SERPINE2: variants seen among roughly 807,000 people sequenced by gnomAD.
The protein encoded by SERPINE2 is glia-derived nexin.
SERPINE2 carries 14 observed loss-of-function variants against 36.3 expected under a neutral mutation model. That is an observed-to-expected ratio of 0.39 (90% confidence interval 0.25 to 0.60). The LOEUF is 0.60. Ranked by LOEUF, SERPINE2 falls within the 20% of genes least tolerant of loss-of-function variation. The pLI is 0.57. For synonymous variants in SERPINE2, 192 were observed against 191.8 expected, an observed-to-expected ratio of 1.00 and a Z score of -0.01; for missense variants, 418 against 499.6, an observed-to-expected ratio of 0.84 and a Z score of 1.56.
chr2:224,001,440 G>A, intron 2 of SERPINE2: 1 of 548,566 alleles, frequency 1.8e-6, no homozygotes, highest in Non-Finnish European at 3.1e-6. Flanking sequence ...ACAAAAAAGG[G>A]ACCAGAGTCT....
intron 8 of SERPINE2, among the ~76,000 whole-genome samples, chr2:223,976,291 C>T (rs1690005068): frequency 6.6e-6 from 1 of 152,198 alleles, no homozygotes; most frequent in East Asian, 1.9e-4. Context: ...GCTGGGATTA[C>T]AGGCACCCAC....
chr2:223,976,053 T>C (rs1451923856), intron 8 of SERPINE2, 149 bp from the exon 9 acceptor site: 4 of 592,958 alleles, frequency 6.7e-6, no homozygotes, highest in Non-Finnish European at 1.1e-5. Context: ...GTGGTAGAGA[T>C]GGTCTATATC....
intron 1 of SERPINE2, among the ~76,000 whole-genome samples, chr2:224,033,695 T>C (rs1355904848): frequency 2.7e-5 from 4 of 145,988 alleles, no homozygotes; most frequent in African/African-American, 1.0e-4. Context: ...AGAGGTCATA[T>C]ATCACCATCA....
Position 224,001,876 on chromosome 2 carries a change from G to A in SERPINE2, c.25C>T (p.Leu9Phe). 1 of 1,613,694 alleles carries A rather than the reference G, an allele frequency of 6.2e-7. No homozygotes were observed. The highest frequency in any genetic ancestry group is 8.5e-7 in the Non-Finnish European group (1 of 1,179,600). The change falls in exon 2 of 9, where the codon CTC becomes TTC. Residue 9 changes from leucine (L) to phenylalanine (F), a missense_variant. Physicochemically the swap from Leu to Phe is conservative, Grantham distance 22 (BLOSUM62 0). Transcript: ENST00000409304. ...GAAGGCAGCGTCACAGAGGCCAAGA[G>A]GAAGAGGGGGAGATGCCAGTTCATG... MNWHLPLF[L>F]LASVTLPSIC...
At chr2:224,028,227 C>G (rs1005955915) in intron 1 of SERPINE2, among the ~76,000 whole-genome samples, 2 of 152,202 alleles carry the variant, frequency 1.3e-5, no homozygotes, top group African/African-American at 4.8e-5. Flanking sequence ...CTTTGCCAAG[C>G]AACTTGAGTC....
At chr2:224,026,802 T>G (rs748773735) in intron 1 of SERPINE2, among the ~76,000 whole-genome samples, 3 of 152,202 alleles carry the variant, frequency 2.0e-5, no homozygotes, top group Non-Finnish European at 2.9e-5. Context: ...CTTGCTGTCA[T>G]AGATATTTAA....
At chr2:223,984,324 GAACTTCTAGTTAAATAAATAAAT>G (rs1444018369) in intron 5 of SERPINE2, among the ~76,000 whole-genome samples, 1 of 152,158 alleles carries the variant, frequency 6.6e-6, no homozygotes, top group African/African-American at 2.4e-5. Flanking sequence ...TGGTCTTCAT[GAACTTCTAGTTAAATAAATAAAT>G]AACTAAAATG....
intron 3 of SERPINE2, among the ~76,000 whole-genome samples, chr2:223,992,549 A>C (rs10191694): frequency 0.62 from 94,275 of 151,926 alleles, 29,703 homozygotes; most frequent in Admixed American, 0.71. Flanking sequence ...TTATTTTGGA[A>C]TCTCTGGGTA....
chr2:224,001,530 C>A, intron 2 of SERPINE2, 112 bp downstream of exon 2: 3 of 1,275,108 alleles, frequency 2.4e-6, no homozygotes, highest in Non-Finnish European at 3.2e-6. Flanking sequence ...CCAGCAAATC[C>A]CCTTCTGGCT....
At chr2:224,031,546 G>T (rs143433788) in intron 1 of SERPINE2, 834 of 979,692 alleles carry the variant, frequency 8.5e-4, no homozygotes, top group South Asian at 3.8e-3. Flanking sequence ...TTGGTACACG[G>T]AAGGGCATGT....
At chr2:224,003,285 G>A (rs1691260611) in intron 1 of SERPINE2, among the ~76,000 whole-genome samples, 1 of 152,134 alleles carries the variant, frequency 6.6e-6, no homozygotes, top group South Asian at 2.1e-4. Context: ...CCGAAGGAGA[G>A]TTCAGATCTG....
At chr2:223,991,617 G>A (rs1294717351) in intron 4 of SERPINE2, among the ~76,000 whole-genome samples, 186 bp downstream of exon 4, 1 of 152,140 alleles carries the variant, frequency 6.6e-6, no homozygotes, top group Admixed American at 6.5e-5. Flanking sequence ...GCTATGCATG[G>A]TAACTTTTGT....
intron 1 of SERPINE2, among the ~76,000 whole-genome samples, chr2:224,036,001 A>C (rs1287750489): frequency 7.4e-5 from 11 of 149,368 alleles, no homozygotes; most frequent in Non-Finnish European, 1.5e-5. Context: ...CCAAAAAAAA[A>C]CGGACAAATC....
At chr2:224,001,562 A>G (rs1187352962) in intron 2 of SERPINE2, 80 bp downstream of exon 2, 10 of 1,507,112 alleles carry the variant, frequency 6.6e-6, no homozygotes, top group Non-Finnish European at 8.9e-6. Flanking sequence ...TGGGGTTGTC[A>G]GCAAAAACCA....
intron 2 of SERPINE2, among the ~76,000 whole-genome samples, chr2:224,000,466 G>T (rs539251777): frequency 6.6e-6 from 1 of 152,000 alleles, no homozygotes; most frequent in African/African-American, 2.4e-5. Context: ...TTTTTCATTG[G>T]GCCTTACTTT....
intron 1 of SERPINE2, among the ~76,000 whole-genome samples, chr2:224,008,966 C>T (rs1213669046): frequency 6.6e-6 from 1 of 152,130 alleles, no homozygotes; most frequent in Non-Finnish European, 1.5e-5. Context: ...CCATGGCCAT[C>T]TAGACCGAGG....
At chr2:224,002,318 T>G (rs1359514246) in intron 1 of SERPINE2, among the ~76,000 whole-genome samples, 1 of 151,996 alleles carries the variant, frequency 6.6e-6, no homozygotes, top group Non-Finnish European at 1.5e-5. Context: ...TTGACTGTAC[T>G]CAGCATAATT....
chr2:224,010,801 T>A (rs1691599621), intron 1 of SERPINE2, among the ~76,000 whole-genome samples: 1 of 152,192 alleles, frequency 6.6e-6, no homozygotes, highest in South Asian at 2.1e-4. Context: ...ATGCTGGCTC[T>A]CTTCTTCTGG....
chr2:223,998,480 G>A, intron 2 of SERPINE2, 138 bp from the exon 3 acceptor site: 1 of 638,032 alleles, frequency 1.6e-6, no homozygotes, highest in Non-Finnish European at 2.7e-6. Context: ...CAATTTGAGA[G>A]GCTGAGGTGG....
Sources: gnomAD v4.1 joint callset for allele counts (sites outside exome capture counted in the v4.1 genomes callset) on GRCh38, gnomAD v4.1.1 for gene constraint, MANE v1.5 for transcripts, NCBI Gene and HGNC (gene_info 2026-07-23, HGNC 2026-07-21) for gene names.